Variants in BANK1 observed in about 807,000 individuals in gnomAD.
The protein encoded by BANK1 is B cell scaffold protein with ankyrin repeats 1.
In BANK1, 95 loss-of-function variants were observed where a neutral mutation model predicts 94.5. The observed-to-expected ratio is 1.00, with a 90% CI of 0.85 to 1.19. The LOEUF (loss-of-function observed/expected upper bound fraction) is 1.19, where lower values mean the gene tolerates loss of function less well. BANK1 is among the 50% of genes most tolerant of loss of function. The pLI is 0.00. For missense variants in BANK1, 987 were observed against 932.2 expected (o/e 1.06, Z -0.77); for synonymous variants, 334 against 308.4 (o/e 1.08, Z -0.87).
chr4:101,799,912 A>T (rs1056356524), intron 1 of BANK1, among the ~76,000 whole-genome samples: 1 of 151,902 alleles, frequency 6.6e-6, no homozygotes, highest in Non-Finnish European at 1.5e-5. Context: ...AAATAAGGAA[A>T]ATGTTGCACG....
chr4:102,037,709 G>A (rs1361716563), intron 10 of BANK1, among the ~76,000 whole-genome samples: 13 of 152,192 alleles, frequency 8.5e-5, no homozygotes, highest in Non-Finnish European at 1.6e-4. Flanking sequence ...CTTGCTTCAT[G>A]TGTTTTTGGT....
intron 2 of BANK1, among the ~76,000 whole-genome samples, chr4:101,836,156 C>T (rs1726817287): frequency 1.3e-5 from 2 of 152,038 alleles, no homozygotes; most frequent in Non-Finnish European, 2.9e-5. Flanking sequence ...TTTTCTTCTC[C>T]TTATTGCTGT....
intron 7 of BANK1, among the ~76,000 whole-genome samples, chr4:101,986,306 TC>T (rs1285146995): frequency 1.3e-5 from 2 of 152,028 alleles, no homozygotes; most frequent in African/African-American, 4.8e-5. Flanking sequence ...GAATAGACCT[TC>T]TTAATTACAT....
chr4:101,990,726 A>G (rs1273574338), intron 7 of BANK1, among the ~76,000 whole-genome samples: 1 of 152,172 alleles, frequency 6.6e-6, no homozygotes, highest in African/African-American at 2.4e-5. Flanking sequence ...CAGCTTTTAC[A>G]AAGTAGATCA....
chr4:101,950,400 C>T (rs1560648828), intron 7 of BANK1, among the ~76,000 whole-genome samples: 2 of 152,046 alleles, frequency 1.3e-5, no homozygotes, highest in Non-Finnish European at 2.9e-5. Context: ...TGAGATTCCA[C>T]AGATTTAAAG....
intron 7 of BANK1, among the ~76,000 whole-genome samples, chr4:101,941,119 G>C (rs1420258139): frequency 1.3e-5 from 2 of 151,370 alleles, no homozygotes; most frequent in Non-Finnish European, 3.0e-5. Context: ...TTTATTTTTT[G>C]CTCAAATTAT....
At chr4:102,056,648 A>G (rs569340294) in intron 11 of BANK1, among the ~76,000 whole-genome samples, 1 of 152,000 alleles carries the variant, frequency 6.6e-6, no homozygotes, top group African/African-American at 2.4e-5. Flanking sequence ...AGTTTTCAGT[A>G]CTCTTCTGTA....
chr4:101,885,107 G>C (rs1437591293), intron 5 of BANK1, among the ~76,000 whole-genome samples: 1 of 152,166 alleles, frequency 6.6e-6, no homozygotes, highest in Non-Finnish European at 1.5e-5. Context: ...TAATAGAGAC[G>C]GGGTTTCGCC....
At chr4:101,916,619 T>C (rs1405864250) in intron 6 of BANK1, among the ~76,000 whole-genome samples, 1 of 152,070 alleles carries the variant, frequency 6.6e-6, no homozygotes, top group Non-Finnish European at 1.5e-5. Context: ...AACAAATGTA[T>C]GACTTGATTT....
chr4:101,853,358 T>C (rs1469721073), intron 2 of BANK1, among the ~76,000 whole-genome samples: 5 of 152,338 alleles, frequency 3.3e-5, no homozygotes, highest in Non-Finnish European at 1.5e-5. Flanking sequence ...CTCTTTTTTT[T>C]GGATACAGTG....
intron 7 of BANK1, among the ~76,000 whole-genome samples, chr4:101,970,103 G>A (rs1167981820): frequency 6.6e-6 from 1 of 152,036 alleles, no homozygotes; most frequent in Admixed American, 6.6e-5. Context: ...CTAATCCTCT[G>A]TTTCCTCCTC....
chr4:102,033,208 C>T (rs79437874), intron 10 of BANK1, among the ~76,000 whole-genome samples: 3,073 of 152,234 alleles, frequency 0.02, 118 homozygotes, highest in African/African-American at 0.07. Flanking sequence ...GTATGTAATT[C>T]CTGCCACCCA....
rs533356096 is a variant in BANK1 at position 101,823,599 on chromosome 4, A to G, written c.71-6209A>G. ...GGCCAACTAGACATAAAAAGTGATTAGAGGTGGGATTAGAACATTTTCAGT... is the reference window on the plus strand; with the variant it reads ...GGCCAACTAGACATAAAAAGTGATTGGAGGTGGGATTAGAACATTTTCAGT... On this transcript the variant is annotated intron_variant, in intron 1 of 16. Coordinates refer to ENST00000322953, the MANE Select transcript of BANK1 (RefSeq NM_017935.5). Among the ~76,000 whole-genome samples, 14 of 152,368 alleles carry G rather than the reference A, an allele frequency of 9.2e-5. No individual in the cohort carries two copies. The South Asian group carries it at 2.9e-3, about 32-fold the overall frequency.
intron 5 of BANK1, among the ~76,000 whole-genome samples, chr4:101,891,690 TATTGTTCAG>T (rs932301495): frequency 3.3e-5 from 5 of 151,806 alleles, no homozygotes; most frequent in Non-Finnish European, 5.9e-5. Context: ...ATTTTCTTCC[TATTGTTCAG>T]ATTGAGTAAT....
intron 1 of BANK1, among the ~76,000 whole-genome samples, chr4:101,795,138 A>T (rs1024798554): frequency 1.8e-4 from 28 of 151,784 alleles, no homozygotes; most frequent in African/African-American, 6.5e-4. Context: ...CTTTTTTGTT[A>T]CAGGATCATG....
chr4:102,039,069 A>G (rs1727618067), intron 10 of BANK1, among the ~76,000 whole-genome samples: 1 of 152,074 alleles, frequency 6.6e-6, no homozygotes, highest in African/African-American at 2.4e-5. Context: ...GTGATCTCAT[A>G]TATTCTGGCT....
chr4:102,031,754 C>A (rs886218641), intron 10 of BANK1, among the ~76,000 whole-genome samples: 6 of 152,062 alleles, frequency 3.9e-5, no homozygotes, highest in African/African-American at 1.4e-4. Context: ...ACCACAGATC[C>A]ACCTAAGAGA....
chr4:101,914,198 G>A (rs1722755407), intron 6 of BANK1, among the ~76,000 whole-genome samples: 1 of 152,088 alleles, frequency 6.6e-6, no homozygotes, highest in South Asian at 2.1e-4. Context: ...TTGTGGAAGT[G>A]GATTCTAACC....
intron 5 of BANK1, among the ~76,000 whole-genome samples, chr4:101,882,197 T>A (rs1359438988): frequency 6.6e-6 from 1 of 151,962 alleles, no homozygotes; most frequent in Non-Finnish European, 1.5e-5. Flanking sequence ...TAAATATATA[T>A]ACCTAATATG....
Sources: gnomAD v4.1 joint callset for allele counts (sites outside exome capture counted in the v4.1 genomes callset) on GRCh38, gnomAD v4.1.1 for gene constraint, MANE v1.5 for transcripts, NCBI Gene and HGNC (gene_info 2026-07-23, HGNC 2026-07-21) for gene names.